The following AUTS2 variants were observed in gnomAD, a reference collection of about 807,000 sequenced individuals.
AUTS2 encodes autism susceptibility gene 2 protein.
Under a neutral mutation model 112.4 loss-of-function variants are expected in AUTS2, and 17 were observed. That is an observed-to-expected ratio of 0.15 (90% CI 0.10 to 0.23). The LOEUF is 0.23. Ranked by LOEUF, AUTS2 falls within the 10% of genes least tolerant of loss-of-function variation. The pLI is 1.00. For missense variants in AUTS2, 1,510 were observed against 1,701.6 expected (o/e 0.89, Z 1.98); for synonymous variants, 751 against 702.7 (o/e 1.07, Z -1.09).
chr7:70,134,468 C>T, intron 3 of AUTS2, 68 bp from the exon 4 acceptor site: 1 of 1,353,284 alleles, frequency 7.4e-7, no homozygotes, highest in Non-Finnish European at 1.1e-6. Flanking sequence ...TGGTAATGAG[C>T]TGTGTGGATT....
intron 5 of AUTS2, among the ~76,000 whole-genome samples, chr7:70,547,912 T>A (rs558534242): frequency 6.6e-6 from 1 of 152,320 alleles, no homozygotes; most frequent in African/African-American, 2.4e-5. Context: ...CATTTTACAT[T>A]TCCCCAGTAA....
intron 16 of AUTS2, 62 bp downstream of exon 16, chr7:70,785,081 C>T (rs1791360404): frequency 6.4e-7 from 1 of 1,558,972 alleles, no homozygotes; most frequent in Non-Finnish European, 8.8e-7. Context: ...CTGTGTTTAC[C>T]ATGCTCCCGC....
chr7:70,640,422 A>G (rs71549372), intron 5 of AUTS2, among the ~76,000 whole-genome samples: 45 of 7,996 alleles, frequency 5.6e-3, no homozygotes, highest in Non-Finnish European at 9.3e-3. Context: ...TCACAGGGGG[A>G]AAAAAAAAAA....
chr7:70,536,181 T>A (rs1800307853), intron 5 of AUTS2, among the ~76,000 whole-genome samples: 1 of 151,642 alleles, frequency 6.6e-6, no homozygotes, highest in Non-Finnish European at 1.5e-5. Flanking sequence ...TATAAAATAA[T>A]TAGCCAGGTA....
At chr7:69,688,391 AT>A (rs1797154162) in intron 1 of AUTS2, among the ~76,000 whole-genome samples, 1 of 152,216 alleles carries the variant, frequency 6.6e-6, no homozygotes, top group African/African-American at 2.4e-5. Flanking sequence ...GATCTAGTTT[AT>A]TTTGTACTTG....
chr7:69,634,341 C>T (rs1291935573), intron 1 of AUTS2, among the ~76,000 whole-genome samples: 2 of 151,990 alleles, frequency 1.3e-5, no homozygotes, highest in East Asian at 1.9e-4. Flanking sequence ...AGGATGGTCT[C>T]GATCTCCTGA....
chr7:70,129,936 C>T (rs1401350978), intron 3 of AUTS2, among the ~76,000 whole-genome samples: 1 of 149,232 alleles, frequency 6.7e-6, no homozygotes, highest in Admixed American at 6.7e-5. Flanking sequence ...TGTGTTTGGT[C>T]GGCTATTAGT....
At chr7:70,666,857 T>TGTTACTGCAGG (rs1807377371) in intron 5 of AUTS2, among the ~76,000 whole-genome samples, 1 of 151,826 alleles carries the variant, frequency 6.6e-6, no homozygotes, top group East Asian at 1.9e-4. Context: ...AGCTGGAAGC[T>TGTTACTGCAGG]GTTACTGCAG....
intron 2 of AUTS2, among the ~76,000 whole-genome samples, chr7:69,948,320 CT>C (rs1796895775): frequency 6.6e-6 from 1 of 152,188 alleles, no homozygotes; most frequent in South Asian, 2.1e-4. Flanking sequence ...AAAAGATATT[CT>C]TTTACTCTTT....
chr7:69,968,081 G>C (rs996881178), intron 2 of AUTS2, among the ~76,000 whole-genome samples: 1 of 152,196 alleles, frequency 6.6e-6, no homozygotes, highest in Non-Finnish European at 1.5e-5. Context: ...ACAATAACAG[G>C]AAAGGCAGGA....
At chr7:70,469,339 G>C (rs1342997510) in intron 5 of AUTS2, among the ~76,000 whole-genome samples, 1 of 152,170 alleles carries the variant, frequency 6.6e-6, no homozygotes, top group Non-Finnish European at 1.5e-5. Context: ...CAGTGATCAG[G>C]GGCAGCTTCT....
chr7:70,021,597 C>T (rs1226540140), intron 2 of AUTS2, among the ~76,000 whole-genome samples: 2 of 152,120 alleles, frequency 1.3e-5, no homozygotes, highest in Non-Finnish European at 2.9e-5. Flanking sequence ...AGTAAAATAA[C>T]GTGGAAAGGG....
chr7:70,110,935 G>A (rs888799412), intron 2 of AUTS2, among the ~76,000 whole-genome samples: 4 of 138,344 alleles, frequency 2.9e-5, no homozygotes, highest in African/African-American at 5.5e-5. Context: ...GCAGTGGCGC[G>A]ATCTCAGCTC....
intron 4 of AUTS2, among the ~76,000 whole-genome samples, chr7:70,251,559 C>A (rs192457265): frequency 6.6e-6 from 1 of 152,158 alleles, no homozygotes; most frequent in African/African-American, 2.4e-5. Context: ...GTATTGCCAA[C>A]TCCTCATTCT....
At chr7:70,396,657 G>A (rs1387650922) in intron 4 of AUTS2, among the ~76,000 whole-genome samples, 6 of 152,202 alleles carry the variant, frequency 3.9e-5, no homozygotes, top group African/African-American at 7.2e-5. Context: ...GACTACAGGT[G>A]TGAGCCACTG....
intron 2 of AUTS2, among the ~76,000 whole-genome samples, chr7:70,077,139 T>C (rs1803072900): frequency 6.6e-6 from 1 of 152,168 alleles, no homozygotes; most frequent in Non-Finnish European, 1.5e-5. Context: ...ATTTGAGCTG[T>C]CCATTAGAGG....
At chr7:69,826,217 G>A (rs1005391226) in intron 1 of AUTS2, among the ~76,000 whole-genome samples, 4 of 152,120 alleles carry the variant, frequency 2.6e-5, no homozygotes, top group African/African-American at 9.7e-5. Context: ...ACCCCTTATA[G>A]TTAGTTAGTT....
intron 2 of AUTS2, among the ~76,000 whole-genome samples, chr7:70,114,887 C>T (rs974973725): frequency 6.6e-6 from 1 of 152,078 alleles, no homozygotes; most frequent in Non-Finnish European, 1.5e-5. Flanking sequence ...AGCTTTAGTA[C>T]TTACTGTAGT....
At chr7:70,659,420 G>A (rs768744284) in intron 5 of AUTS2, among the ~76,000 whole-genome samples, 10 of 152,128 alleles carry the variant, frequency 6.6e-5, no homozygotes, top group Non-Finnish European at 1.3e-4. Context: ...TGTGCGGTCC[G>A]GGCTGAGAGC....
Sources: gnomAD v4.1 joint callset for allele counts (sites outside exome capture counted in the v4.1 genomes callset) on GRCh38, gnomAD v4.1.1 for gene constraint, MANE v1.5 for transcripts, NCBI Gene and HGNC (gene_info 2026-07-23, HGNC 2026-07-21) for gene names.